Variants in FSIP1 observed in about 807,000 individuals in gnomAD.
FSIP1 encodes the protein fibrous sheath interacting protein 1.
A neutral mutation model predicts 60.9 loss-of-function variants in FSIP1; 65 were observed. That is an observed-to-expected ratio of 1.07 (90% CI 0.87 to 1.31). The LOEUF (loss-of-function observed/expected upper bound fraction) is 1.31. Among genes scored for constraint, FSIP1 ranks in the 40% most tolerant of loss-of-function variants. The pLI, the probability that FSIP1 is intolerant of heterozygous loss-of-function variation, is 0.00. For missense variants in FSIP1, 675 were observed against 665.5 expected, an observed-to-expected ratio of 1.01 and a Z score of -0.16; for synonymous variants, 209 against 221.2, an observed-to-expected ratio of 0.94 and a Z score of 0.49.
intron 11 of FSIP1, among the ~76,000 whole-genome samples, chr15:39,614,676 T>C (rs374266271): frequency 1.5e-4 from 23 of 150,634 alleles, no homozygotes; most frequent in African/African-American, 5.6e-4. Context: ...AGATGTACCA[T>C]ATTCATGGAC....
In FSIP1 at chr15:39,782,649, G is replaced by C. The variant is rs575070020; in HGVS notation, c.-29C>G. 5 of 152,588 alleles carry C rather than the reference G, an allele frequency of 3.3e-5. No individual in the cohort carries two copies. Among genetic ancestry groups the C allele is most frequent in the African/African-American group, 1.2e-4 (5 of 41,556 alleles). 9.5% of individuals were successfully genotyped at this position (152,588 alleles called of 1,614,324 possible). ...TCACCTTCCCGCCGGGCCTCCTCGAGGAACTGGCCGCCGTCAGTCAGGGCG... is the reference window on the plus strand; with the variant it reads ...TCACCTTCCCGCCGGGCCTCCTCGACGAACTGGCCGCCGTCAGTCAGGGCG... On this transcript the variant is annotated 5_prime_UTR_variant, in exon 1 of 12. Coordinates refer to ENST00000350221, the MANE Select transcript of FSIP1 (RefSeq NM_152597.5).
intron 10 of FSIP1, among the ~76,000 whole-genome samples, chr15:39,698,477 G>T (rs988831730): frequency 1.3e-5 from 2 of 152,112 alleles, no homozygotes; most frequent in African/African-American, 2.4e-5. Context: ...TTACTCAAGA[G>T]ATTTGCTCCC....
At chr15:39,707,669 T>A (rs1450462681) in intron 10 of FSIP1, among the ~76,000 whole-genome samples, 1 of 152,162 alleles carries the variant, frequency 6.6e-6, no homozygotes, top group Non-Finnish European at 1.5e-5. Flanking sequence ...CTAAGTACCT[T>A]ATATATACTA....
At chr15:39,625,990 A>G (rs1477851331) in intron 10 of FSIP1, among the ~76,000 whole-genome samples, 1 of 152,126 alleles carries the variant, frequency 6.6e-6, no homozygotes. Flanking sequence ...GATGATGCCT[A>G]TTTTTACTGT....
chr15:39,762,673 T>A (rs1384633848), intron 5 of FSIP1, among the ~76,000 whole-genome samples: 2 of 152,168 alleles, frequency 1.3e-5, no homozygotes, highest in Non-Finnish European at 2.9e-5. Flanking sequence ...TTCCTCTGAG[T>A]GAGCATTCTA....
chr15:39,701,521 A>C (rs1044726386), intron 10 of FSIP1, among the ~76,000 whole-genome samples: 8 of 152,174 alleles, frequency 5.3e-5, no homozygotes, highest in Non-Finnish European at 8.8e-5. Flanking sequence ...AAGCTTTAAA[A>C]AAGCTATAGA....
intron 10 of FSIP1, among the ~76,000 whole-genome samples, chr15:39,683,723 G>A (rs773234874): frequency 4.2e-4 from 64 of 152,300 alleles, no homozygotes; most frequent in Middle Eastern, 3.4e-3. Context: ...AGTCATTTTA[G>A]CAAGTTCACA....
intron 10 of FSIP1, among the ~76,000 whole-genome samples, chr15:39,690,780 T>G (rs1256226321): frequency 1.3e-5 from 2 of 152,190 alleles, no homozygotes; most frequent in Non-Finnish European, 2.9e-5. Flanking sequence ...GACTGCTGCT[T>G]TACCTTAACT....
intron 10 of FSIP1, among the ~76,000 whole-genome samples, chr15:39,658,346 T>C (rs771862201): frequency 2.7e-5 from 4 of 149,712 alleles, no homozygotes; most frequent in Non-Finnish European, 5.9e-5. Flanking sequence ...GCTTCCTGGG[T>C]TCAAGTAATT....
rs8036446 is a variant in FSIP1, at chr15:39,773,697, C to T, written c.126+2702G>A. ...TAAAATTTTTTAAAAAGGAAATCAG[C>T]CACATGTATTAACATGGATGAATCT... On this transcript the variant is annotated intron_variant, in intron 2 of 11. Transcript: ENST00000350221. Among the ~76,000 whole-genome samples the T allele has an allele frequency of 7.9e-3, 1,206 of 152,224 alleles. 14 individuals are homozygous for T. The highest frequency in any genetic ancestry group is 0.027 in the African/African-American group (1,140 of 41,512).
chr15:39,649,255 C>T (rs1451162279), intron 10 of FSIP1, among the ~76,000 whole-genome samples: 1 of 152,168 alleles, frequency 6.6e-6, no homozygotes, highest in Non-Finnish European at 1.5e-5. Context: ...GCCAGTGTGG[C>T]TCCCACTCCA....
At chr15:39,681,968 G>A (rs191293307) in intron 10 of FSIP1, among the ~76,000 whole-genome samples, 92 of 152,300 alleles carry the variant, frequency 6.0e-4, no homozygotes, top group Admixed American at 8.5e-4. Flanking sequence ...AATGAATTGT[G>A]TGTCCAGACA....
intron 9 of FSIP1, among the ~76,000 whole-genome samples, chr15:39,716,888 C>T (rs550434601): frequency 2.1e-3 from 286 of 137,578 alleles, no homozygotes; most frequent in African/African-American, 7.3e-3. Context: ...AATCCTGGCT[C>T]CCGGCAACCT....
At chr15:39,668,268 T>G (rs1468789991) in intron 10 of FSIP1, among the ~76,000 whole-genome samples, 1 of 146,062 alleles carries the variant, frequency 6.8e-6, no homozygotes, top group Non-Finnish European at 1.5e-5. Context: ...TCAGTTAATC[T>G]TCTTCATTCC....
chr15:39,736,538 C>G (rs1896615697), intron 8 of FSIP1, among the ~76,000 whole-genome samples: 1 of 152,190 alleles, frequency 6.6e-6, no homozygotes, highest in African/African-American at 2.4e-5. Flanking sequence ...ACTGGAGGAT[C>G]CAGGCAGGCC....
intron 10 of FSIP1, among the ~76,000 whole-genome samples, chr15:39,641,381 C>T (rs2411314): frequency 0.18 from 27,537 of 151,918 alleles, 3,033 homozygotes; most frequent in East Asian, 0.32. Context: ...GGCTGGTGAC[C>T]GTCAATTTCA....
intron 1 of FSIP1, among the ~76,000 whole-genome samples, chr15:39,779,997 T>C (rs77822803): frequency 0.026 from 3,941 of 152,322 alleles, 186 homozygotes; most frequent in African/African-American, 0.091. Context: ...TATATTTGTG[T>C]ATCTGTAAGG....
intron 9 of FSIP1, among the ~76,000 whole-genome samples, chr15:39,725,242 A>G (rs569639370): frequency 6.6e-6 from 1 of 152,320 alleles, no homozygotes; most frequent in East Asian, 1.9e-4. Flanking sequence ...AATAAAATAA[A>G]ATACAAAGTC....
chr15:39,697,882 C>T (rs904585875), intron 10 of FSIP1, among the ~76,000 whole-genome samples: 1 of 152,050 alleles, frequency 6.6e-6, no homozygotes, highest in South Asian at 2.1e-4. Context: ...AAACACACAG[C>T]TAGACACTTC....
Sources: allele counts gnomAD v4.1 joint callset (sites outside exome capture counted in the v4.1 genomes callset), GRCh38; gene constraint gnomAD v4.1.1; transcripts MANE v1.5; gene names NCBI Gene and HGNC (gene_info 2026-07-23, HGNC 2026-07-21).